ANTXR1: variants seen among roughly 807,000 people sequenced by gnomAD.
ANTXR1 encodes ANTXR cell adhesion molecule 1.
ANTXR1 carries 19 observed loss-of-function variants against 78.1 expected under a neutral mutation model. That is an observed-to-expected ratio of 0.24 (90% CI 0.17 to 0.36). ANTXR1 has a LOEUF of 0.36. Among genes scored for constraint, ANTXR1 ranks in the 10% least tolerant of loss-of-function variants. The pLI is 1.00. For missense variants in ANTXR1, 518 were observed against 718.6 expected (o/e 0.72, Z 3.19); for synonymous variants, 273 against 260.5 (o/e 1.05, Z -0.46).
At chr2:69,138,052 C>T (rs1200417937) in intron 12 of ANTXR1, among the ~76,000 whole-genome samples, 1 of 148,150 alleles carries the variant, frequency 6.7e-6, no homozygotes, top group Non-Finnish European at 1.5e-5. Context: ...CCATTGCACT[C>T]CAGCCGAGGC....
At chr2:69,240,419 A>G (rs1396289035) in intron 17 of ANTXR1, among the ~76,000 whole-genome samples, 2 of 152,246 alleles carry the variant, frequency 1.3e-5, no homozygotes, top group African/African-American at 2.4e-5. Context: ...CAAGCTGGAC[A>G]TCTTGCAAGA....
chr2:69,171,955 A>G (rs1050443619), intron 14 of ANTXR1, among the ~76,000 whole-genome samples: 2 of 152,226 alleles, frequency 1.3e-5, no homozygotes, highest in Non-Finnish European at 2.9e-5. Flanking sequence ...GCTTGAATCT[A>G]AAGGGTTATG....
At chr2:69,156,901 T>A (rs1673541704) in intron 13 of ANTXR1, among the ~76,000 whole-genome samples, 1 of 152,194 alleles carries the variant, frequency 6.6e-6, no homozygotes, top group Non-Finnish European at 1.5e-5. Context: ...CGACGTGAGA[T>A]TTGCGTGGGA....
At position 69,183,693 on chromosome 2, in the gene ANTXR1, G is replaced by A. The variant is rs144295944; in HGVS notation, c.1353+1033G>A. On this transcript the variant is annotated intron_variant, in intron 16 of 17. Coordinates refer to ENST00000303714, the MANE Select transcript of ANTXR1 (RefSeq NM_032208.3). ...GCCTCCCAAAGTGCTAAGATTACAG[G>A]CATGGGCCACCATGCCCAGCCTGAA... Among the ~76,000 whole-genome samples the A allele has an allele frequency of 5.3e-3, 794 of 149,472 alleles. 8 individuals carry two copies. The highest frequency in any genetic ancestry group is 0.019 in the African/African-American group (758 of 40,434).
intron 17 of ANTXR1, among the ~76,000 whole-genome samples, chr2:69,201,621 A>C (rs1674774000): frequency 1.3e-5 from 2 of 152,202 alleles, no homozygotes; most frequent in Admixed American, 1.3e-4. Context: ...AGTGGTGGGC[A>C]AGGAAGACAG....
At chr2:69,036,527 C>A (rs1669433091) in intron 1 of ANTXR1, among the ~76,000 whole-genome samples, 1 of 152,062 alleles carries the variant, frequency 6.6e-6, no homozygotes, top group Admixed American at 6.6e-5. Context: ...TAAATTCCTC[C>A]CGGCAGAAAT....
At chr2:69,124,424 G>T in intron 11 of ANTXR1, 141 bp from the exon 12 acceptor site, 1 of 762,838 alleles carries the variant, frequency 1.3e-6, no homozygotes, top group Non-Finnish European at 2.3e-6. Flanking sequence ...AGGAAACTCA[G>T]ACCCCTCCTC....
At position 69,245,869 on chromosome 2, in the gene ANTXR1, C is replaced by T. The variant is rs1468071017; in HGVS notation, c.*384C>T. On this transcript the variant is annotated 3_prime_UTR_variant, in exon 18 of 18. Coordinates refer to ENST00000303714, the MANE Select transcript of ANTXR1 (RefSeq NM_032208.3). ...TGCTGGGTTTCTAAAATGCTGCCTT[C>T]CTGCCTCTACTCCACCTCCATCCCT... The T allele has an allele frequency of 4.8e-6, 1 of 207,632 alleles. No homozygotes were observed. The highest frequency in any genetic ancestry group is 9.8e-6 in the Non-Finnish European group (1 of 102,282). 12.9% of individuals were successfully genotyped at this position (207,632 alleles called of 1,614,324 possible). A position where few individuals can be genotyped will look rare whatever the true frequency, so the allele number is the denominator to read the frequency against.
At chr2:69,025,804 T>C (rs1004590584) in intron 1 of ANTXR1, among the ~76,000 whole-genome samples, 4 of 152,244 alleles carry the variant, frequency 2.6e-5, no homozygotes, top group Admixed American at 1.3e-4. Flanking sequence ...AGGCCTGGTC[T>C]ATGCTTGTTG....
intron 12 of ANTXR1, chr2:69,145,346 A>T (rs746878216): frequency 6.3e-7 from 1 of 1,599,120 alleles, no homozygotes. Flanking sequence ...AAATTGCATC[A>T]GGCCCCACAA....
At chr2:69,123,144 G>A (rs967594380) in intron 11 of ANTXR1, 58 bp downstream of exon 11, 182 of 1,547,938 alleles carry the variant, frequency 1.2e-4, no homozygotes, top group Non-Finnish European at 1.5e-4. Context: ...GGAGGTGTAC[G>A]GGGACAGGGG....
At chr2:69,112,138 A>T (rs1672009850) in intron 10 of ANTXR1, among the ~76,000 whole-genome samples, 1 of 152,222 alleles carries the variant, frequency 6.6e-6, no homozygotes, top group South Asian at 2.1e-4. Context: ...GCCCATCAGA[A>T]TCACCAGGGA....
intron 17 of ANTXR1, among the ~76,000 whole-genome samples, chr2:69,240,812 G>GTT (rs113432918): frequency 5.3e-5 from 8 of 151,818 alleles, no homozygotes; most frequent in African/African-American, 1.9e-4. Context: ...TGAGACTTTA[G>GTT]TTTTTTTTCT....
intron 12 of ANTXR1, among the ~76,000 whole-genome samples, chr2:69,144,273 C>T (rs1264605641): frequency 1.3e-5 from 2 of 152,234 alleles, no homozygotes; most frequent in African/African-American, 4.8e-5. Flanking sequence ...GTGCCTCTCC[C>T]TCTGCCCTCA....
intron 10 of ANTXR1, among the ~76,000 whole-genome samples, chr2:69,121,673 T>G (rs1472040763): frequency 1.3e-5 from 2 of 152,220 alleles, no homozygotes; most frequent in African/African-American, 4.8e-5. Context: ...ATATATGTAT[T>G]CCTTTGTATC....
intron 14 of ANTXR1, among the ~76,000 whole-genome samples, chr2:69,180,938 A>G (rs1405793634): frequency 6.6e-6 from 1 of 152,184 alleles, no homozygotes; most frequent in Non-Finnish European, 1.5e-5. Context: ...ACAAGGGGAC[A>G]AGGGGACACT....
At position 69,150,999 on chromosome 2, in the gene ANTXR1, A is replaced by G. The variant is rs181377708; in HGVS notation, c.952-1170A>G. 7.4e-3 allele frequency among the ~76,000 whole-genome samples: 1,130 copies of G among 152,304 alleles called. 13 individuals carry two copies. Among genetic ancestry groups the G allele is most frequent in the African/African-American group, 0.025 (1,059 of 41,556 alleles). On this transcript the variant is annotated intron_variant, in intron 12 of 17. Coordinates refer to ENST00000303714, the MANE Select transcript of ANTXR1 (RefSeq NM_032208.3). ...TGATCACACCACTACACTCCAACCC[A>G]AGTGACAGAGTGAGACCCTGTCACA...
chr2:69,024,651 A>G (rs75508524), intron 1 of ANTXR1, among the ~76,000 whole-genome samples: 365 of 152,284 alleles, frequency 2.4e-3, no homozygotes, highest in African/African-American at 8.0e-3. Flanking sequence ...TGGTGGCCCT[A>G]TAAGTCCAGC....
At chr2:69,120,726 G>A (rs1672321179) in intron 10 of ANTXR1, among the ~76,000 whole-genome samples, 1 of 152,080 alleles carries the variant, frequency 6.6e-6, no homozygotes, top group African/African-American at 2.4e-5. Context: ...ATCCTACACT[G>A]TCATCATAAG....
Sources: gnomAD v4.1 joint callset for allele counts (sites outside exome capture counted in the v4.1 genomes callset) on GRCh38, gnomAD v4.1.1 for gene constraint, MANE v1.5 for transcripts, NCBI Gene and HGNC (gene_info 2026-07-23, HGNC 2026-07-21) for gene names.